CNTN5: variants seen among roughly 807,000 people sequenced by gnomAD.
CNTN5 encodes the protein contactin-5.
CNTN5 carries 77 observed loss-of-function variants against 129.1 expected under a neutral mutation model. The ratio of observed to expected loss-of-function variants is 0.60; its 90% CI spans 0.50 to 0.72. The LOEUF (loss-of-function observed/expected upper bound fraction) is 0.72. Among genes scored for constraint, CNTN5 ranks in the 30% least tolerant of loss-of-function variants. The pLI, the probability that CNTN5 is intolerant of heterozygous loss-of-function variation, is 0.00. For missense variants in CNTN5, 1,478 were observed against 1,328.8 expected, an observed-to-expected ratio of 1.11 and a Z score of -1.75; for synonymous variants, 509 against 465.6, an observed-to-expected ratio of 1.09 and a Z score of -1.20.
At chr11:99,201,047 C>T (rs1192052516) in intron 1 of CNTN5, among the ~76,000 whole-genome samples, 2 of 46,526 alleles carry the variant, frequency 4.3e-5, no homozygotes, top group Admixed American at 3.5e-4. Context: ...TTTTTTTTTC[C>T]AGAGTCTTGA....
intron 15 of CNTN5, among the ~76,000 whole-genome samples, chr11:100,210,859 C>T (rs1450512417): frequency 1.3e-5 from 2 of 152,118 alleles, no homozygotes; most frequent in African/African-American, 2.4e-5. Flanking sequence ...CTATATGGCT[C>T]GATATGCCAA....
chr11:100,265,606 C>A (rs1950287718), intron 17 of CNTN5, among the ~76,000 whole-genome samples: 1 of 152,066 alleles, frequency 6.6e-6, no homozygotes, highest in Admixed American at 6.6e-5. Context: ...AATTGATAAT[C>A]TACTACTTGA....
intron 9 of CNTN5, among the ~76,000 whole-genome samples, chr11:100,025,552 T>A (rs1341758359): frequency 6.6e-6 from 1 of 152,056 alleles, no homozygotes; most frequent in African/African-American, 2.4e-5. Flanking sequence ...ACCATGAGCC[T>A]GGAAAAGCTG....
rs1414698355 is a variant in CNTN5, at chr11:99,506,609, T to TG, written c.-70-49536_-70-49535insG. On this transcript the variant is annotated intron_variant, in intron 2 of 24. Transcript: ENST00000524871. ...AGTGTTTGTATAGTAAAAGTGTGTGTTTTTTCTCTTCTAAATTTACTGTAA... is the reference window on the plus strand; with the variant it reads ...AGTGTTTGTATAGTAAAAGTGTGTGTGTTTTTCTCTTCTAAATTTACTGTAA... Among the ~76,000 whole-genome samples the TG allele has an allele frequency of 8.6e-3, 13 of 1,514 alleles. No individual in the cohort carries two copies. The Admixed American group carries it at 0.17, about 20-fold the overall frequency. 1.0% of individuals were successfully genotyped at this position (1,514 alleles called of 152,430 possible).
chr11:100,283,323 C>T (rs1333114420), intron 18 of CNTN5, among the ~76,000 whole-genome samples: 1 of 152,176 alleles, frequency 6.6e-6, no homozygotes, highest in Non-Finnish European at 1.5e-5. Flanking sequence ...GTTCTCCCCA[C>T]TCTTCCTCCT....
At position 99,756,973 on chromosome 11, in the gene CNTN5, T is replaced by C. The variant is rs187328928; in HGVS notation, c.56-62571T>C. On this transcript the variant is annotated intron_variant, in intron 3 of 24. Coordinates refer to ENST00000524871, the MANE Select transcript of CNTN5 (RefSeq NM_014361.4). Reference sequence around the variant, plus strand: ...AACAACATGTGCTAATGCCAAACTTTCTGGCAATAACGTCTTTTTATACAT... The same window carrying C: ...AACAACATGTGCTAATGCCAAACTTCCTGGCAATAACGTCTTTTTATACAT... Among the ~76,000 whole-genome samples, 29 of 152,020 alleles carry C rather than the reference T, an allele frequency of 1.9e-4. No homozygotes were observed. The East Asian group carries it at 5.6e-3, about 29-fold the overall frequency.
At chr11:99,822,256 C>T (rs749228937) in intron 4 of CNTN5, among the ~76,000 whole-genome samples, 79 of 152,046 alleles carry the variant, frequency 5.2e-4, no homozygotes, top group Non-Finnish European at 7.9e-4. Flanking sequence ...ATTCTACTTC[C>T]GGATATACAA....
At chr11:99,171,766 TTATTATTACTCTTTC>T (rs1270929754) in intron 1 of CNTN5, among the ~76,000 whole-genome samples, 4 of 152,194 alleles carry the variant, frequency 2.6e-5, no homozygotes, top group African/African-American at 9.6e-5. Flanking sequence ...CATGACACTT[TTATTATTACTCTTTC>T]TGTTATTATC....
At chr11:99,064,161 T>A (rs1423275986) in intron 1 of CNTN5, among the ~76,000 whole-genome samples, 1 of 152,150 alleles carries the variant, frequency 6.6e-6, no homozygotes, top group African/African-American at 2.4e-5. Flanking sequence ...TTGGTTAGTT[T>A]TCATGCCCTT....
chr11:100,184,003 C>G (rs73562441), intron 13 of CNTN5, among the ~76,000 whole-genome samples: 4,592 of 152,124 alleles, frequency 0.03, 232 homozygotes, highest in African/African-American at 0.1. Flanking sequence ...AATGCAAGTC[C>G]CCCTGCTTTC....
At chr11:99,758,383 C>G (rs1331628617) in intron 3 of CNTN5, among the ~76,000 whole-genome samples, 1 of 151,788 alleles carries the variant, frequency 6.6e-6, no homozygotes, top group African/African-American at 2.4e-5. Context: ...TTTGTCAGAC[C>G]AGACTAACGT....
At chr11:100,262,697 C>T (rs527548015) in intron 17 of CNTN5, among the ~76,000 whole-genome samples, 4 of 152,032 alleles carry the variant, frequency 2.6e-5, no homozygotes, top group Admixed American at 2.0e-4. Flanking sequence ...GGAACAGAAA[C>T]CAAACACCAC....
intron 1 of CNTN5, among the ~76,000 whole-genome samples, chr11:99,068,762 A>C (rs534343927): frequency 6.6e-6 from 1 of 152,314 alleles, no homozygotes; most frequent in African/African-American, 2.4e-5. Flanking sequence ...ATTCTATACA[A>C]AATAAACTAG....
At chr11:99,809,601 C>T (rs1212276855) in intron 3 of CNTN5, among the ~76,000 whole-genome samples, 2 of 151,922 alleles carry the variant, frequency 1.3e-5, no homozygotes, top group Non-Finnish European at 2.9e-5. Context: ...TGAGTACACC[C>T]ACCTTTTACA....
chr11:99,772,804 T>C (rs941407240), intron 3 of CNTN5, among the ~76,000 whole-genome samples: 1 of 152,062 alleles, frequency 6.6e-6, no homozygotes, highest in African/African-American at 2.4e-5. Context: ...AAAAGGGCAG[T>C]ACTTCCAGTC....
chr11:100,330,924 A>C, intron 21 of CNTN5, among the ~76,000 whole-genome samples: 1 of 152,188 alleles, frequency 6.6e-6, no homozygotes, highest in East Asian at 1.9e-4. Context: ...CAATGGAAAC[A>C]AAAAACAAGG....
At chr11:99,294,157 T>C (rs553542311) in intron 1 of CNTN5, among the ~76,000 whole-genome samples, 1 of 152,282 alleles carries the variant, frequency 6.6e-6, no homozygotes, top group South Asian at 2.1e-4. Flanking sequence ...ATTTTTTAAA[T>C]TAATTCATTG....
chr11:99,791,933 A>G (rs1945758028), intron 3 of CNTN5, among the ~76,000 whole-genome samples: 1 of 152,100 alleles, frequency 6.6e-6, no homozygotes. Context: ...TAGGAATGTT[A>G]CTGATTTTTG....
At chr11:99,598,420 T>C (rs796185348) in intron 3 of CNTN5, among the ~76,000 whole-genome samples, 69 of 120,688 alleles carry the variant, frequency 5.7e-4, no homozygotes, top group African/African-American at 2.0e-3. Context: ...CTCCCTCCCT[T>C]CCTTCCTCCC....
Sources: allele counts gnomAD v4.1 joint callset (sites outside exome capture counted in the v4.1 genomes callset), GRCh38; gene constraint gnomAD v4.1.1; transcripts MANE v1.5; gene names NCBI Gene and HGNC (gene_info 2026-07-23, HGNC 2026-07-21).